Variants in EXOC2 observed in about 807,000 individuals in gnomAD.
The protein encoded by EXOC2 is SEC5-like 1.
EXOC2 carries 70 observed loss-of-function variants against 131.8 expected under a neutral mutation model. That is an observed-to-expected ratio of 0.53 (90% CI 0.44 to 0.65). EXOC2 has a LOEUF of 0.65. Ranked by LOEUF, EXOC2 falls within the 30% of genes least tolerant of loss-of-function variation. The pLI is 0.00. For synonymous variants in EXOC2, 411 were observed against 398.4 expected, an observed-to-expected ratio of 1.03 and a Z score of -0.38; for missense variants, 923 against 1,108.6, an observed-to-expected ratio of 0.83 and a Z score of 2.38.
chr6:551,469 A>C (rs564552016), intron 21 of EXOC2, among the ~76,000 whole-genome samples: 1 of 152,236 alleles, frequency 6.6e-6, no homozygotes, highest in African/African-American at 2.4e-5. Context: ...GCAGAGACAC[A>C]TGTGAGGTGC....
At chr6:504,093 G>A (rs560830895) in intron 23 of EXOC2, among the ~76,000 whole-genome samples, 145 of 152,370 alleles carry the variant, frequency 9.5e-4, no homozygotes, top group South Asian at 1.7e-3. Context: ...GGCCAACACC[G>A]TTGGCAAAAG....
chr6:617,854 A>G lies in EXOC2; in HGVS notation c.537-19T>C. 6.2e-7 allele frequency: 1 copy of G among 1,608,382 alleles called. No individual in the cohort carries two copies. Among genetic ancestry groups the G allele is most frequent in the Non-Finnish European group, 8.5e-7 (1 of 1,177,740 alleles). ...CTCAAAACTGAAATGAAATAAAGAA[A>G]CCAAAGTTTGACACTTCTAACATGC... On this transcript the variant is annotated intron_variant, in intron 5 of 27. Transcript: ENST00000230449.
At chr6:516,276 A>C (rs1765162049) in intron 23 of EXOC2, among the ~76,000 whole-genome samples, 1 of 152,192 alleles carries the variant, frequency 6.6e-6, no homozygotes, top group African/African-American at 2.4e-5. Flanking sequence ...CTGTGACCTA[A>C]GGCTCTGGTT....
In EXOC2 at chr6:604,786, G is replaced by A. The variant is rs560302609; in HGVS notation, c.742+5312C>T. On this transcript the variant is annotated intron_variant, in intron 7 of 27. Coordinates refer to ENST00000230449, the MANE Select transcript of EXOC2 (RefSeq NM_018303.6). ...GGCCTCTGCTTGTCTCTGAACTCAC[G>A]CGCTGGCCCCGCGGGGACACACCTG... Among the ~76,000 whole-genome samples the A allele has an allele frequency of 1.7e-4, 25 of 149,392 alleles. No individual in the cohort carries two copies. The South Asian group carries it at 4.5e-3, about 27-fold the overall frequency.
intron 1 of EXOC2, among the ~76,000 whole-genome samples, chr6:641,112 G>A (rs187352677): frequency 3.3e-5 from 5 of 152,286 alleles, no homozygotes; most frequent in Non-Finnish European, 7.4e-5. Flanking sequence ...AAAGGCGGAT[G>A]TGTGTTTGGG....
chr6:656,674 C>G lies in EXOC2; in HGVS notation c.-43-18813G>C. 6.2e-7 allele frequency: 1 copy of G among 1,606,686 alleles called. No homozygotes were observed. The highest frequency in any genetic ancestry group is 1.3e-5 in the African/African-American group (1 of 74,854). ...GAGGACGCGCCCGCTGCGCTTCTCG[C>G]CGCCCGGGACAGGTGCTCCGCCGTC... On this transcript the variant is annotated intron_variant, in intron 1 of 27. Transcript: ENST00000230449.
At chr6:542,628 G>A (rs1429482699) in intron 22 of EXOC2, among the ~76,000 whole-genome samples, 1 of 152,162 alleles carries the variant, frequency 6.6e-6, no homozygotes. Flanking sequence ...TAAGAAATTG[G>A]ACCAGTCATT....
Position 486,452 on chromosome 6 carries a change from G to T in EXOC2, c.*219C>A, listed in dbSNP as rs1763053760. On this transcript the variant is annotated 3_prime_UTR_variant, in exon 28 of 28. Coordinates refer to ENST00000230449, the MANE Select transcript of EXOC2 (RefSeq NM_018303.6). Reference sequence around the variant, plus strand: ...TAAAATGTATTTTAAAGTCATACAGGATCTGATCTAGTAAGAATGGCAAAA... The same window carrying T: ...TAAAATGTATTTTAAAGTCATACAGTATCTGATCTAGTAAGAATGGCAAAA... 1.0e-5 allele frequency: 5 copies of T among 487,880 alleles called. No homozygotes were observed. The South Asian group carries it at 1.1e-4, about 11-fold the overall frequency. The allele number at this position is 487,880 out of a possible 1,614,324, so 30.2% of individuals were successfully genotyped here.
rs1759980849 is a variant in EXOC2 at position 599,071 on chromosome 6, G to A, written c.888+9C>T. 6.2e-7 allele frequency: 1 copy of A among 1,604,914 alleles called. No individual in the cohort carries two copies. Among genetic ancestry groups the A allele is most frequent in the Non-Finnish European group, 8.5e-7 (1 of 1,174,692 alleles). The stretch of plus-strand genomic sequence containing the variant: ...CAACCATATGTAAATAAATAAACAT[G>A]TACTCTACCTTTTGAATATTCCTTT... On this transcript the variant is annotated intron_variant, in intron 8 of 27. Transcript: ENST00000230449.
intron 23 of EXOC2, among the ~76,000 whole-genome samples, chr6:517,956 C>G (rs1765246832): frequency 1.3e-5 from 2 of 152,192 alleles, no homozygotes; most frequent in Admixed American, 1.3e-4. Flanking sequence ...AACCACTTCA[C>G]TGAGCACCAA....
At chr6:686,465 T>C (rs1764659443) in intron 1 of EXOC2, among the ~76,000 whole-genome samples, 1 of 151,928 alleles carries the variant, frequency 6.6e-6, no homozygotes, top group African/African-American at 2.4e-5. Context: ...ATAAAGGCCT[T>C]CCCTCCCTCT....
chr6:599,195 T>A lies in EXOC2; in HGVS notation c.773A>T (p.Gln258Leu). The A allele has an allele frequency of 6.2e-7, 1 of 1,607,716 alleles. No homozygotes were observed. Among genetic ancestry groups the A allele is most frequent in the Non-Finnish European group, 8.5e-7 (1 of 1,176,022 alleles). Residue 258 changes from glutamine to leucine, a missense_variant, in exon 8 of 28, where the codon CAA becomes CTA. Coordinates refer to ENST00000230449, the MANE Select transcript of EXOC2 (RefSeq NM_018303.6). ...CTTGTCTTTCCGACCTAATACTTCTTGAAACAATGTGTCTGCAGTATTACT... is the reference window on the plus strand; with the variant it reads ...CTTGTCTTTCCGACCTAATACTTCTAGAAACAATGTGTCTGCAGTATTACT... ...RASNTADTLF[Q>L]EVLGRKDKAD...
chr6:671,364 C>CA (rs1203449091), intron 1 of EXOC2, among the ~76,000 whole-genome samples: 1 of 141,124 alleles, frequency 7.1e-6, no homozygotes, highest in African/African-American at 2.6e-5. Context: ...CAAAAAAAAA[C>CA]AAAAAAAGAA....
At chr6:678,621 A>C (rs929147320) in intron 1 of EXOC2, among the ~76,000 whole-genome samples, 6 of 152,228 alleles carry the variant, frequency 3.9e-5, no homozygotes, top group African/African-American at 1.2e-4. Flanking sequence ...AGAAAGATGA[A>C]AGCAGCAGGC....
At chr6:671,913 TA>T (rs973108938) in intron 1 of EXOC2, among the ~76,000 whole-genome samples, 1 of 151,790 alleles carries the variant, frequency 6.6e-6, no homozygotes, top group Non-Finnish European at 1.5e-5. Context: ...TTTTATTTTT[TA>T]TTTATTTATT....
At chr6:529,119 C>CA (rs1049739519) in intron 23 of EXOC2, among the ~76,000 whole-genome samples, 6 of 148,106 alleles carry the variant, frequency 4.1e-5, no homozygotes, top group South Asian at 2.5e-4. Context: ...GCCTTTTACC[C>CA]CCCCCCGCGC....
intron 2 of EXOC2, among the ~76,000 whole-genome samples, chr6:635,775 T>C (rs1211256420): frequency 6.6e-6 from 1 of 152,198 alleles, no homozygotes; most frequent in African/African-American, 2.4e-5. Context: ...AGAAAAGTAA[T>C]ACACAGGCCA....
chr6:531,604 C>A (rs187679850), intron 23 of EXOC2, among the ~76,000 whole-genome samples: 12 of 152,296 alleles, frequency 7.9e-5, no homozygotes, highest in African/African-American at 2.9e-4. Flanking sequence ...AAACAGTAAA[C>A]AATTTTATCA....
Position 594,677 on chromosome 6 carries a change from G to T in EXOC2, c.1074-2090C>A, listed in dbSNP as rs570792332. On this transcript the variant is annotated intron_variant, in intron 10 of 27. Transcript: ENST00000230449. ...GTCCTTGCAAAACCTAATAACAAAA[G>T]ACTTTTTCTATCATCTTATTAACGG... 4.0e-4 allele frequency among the ~76,000 whole-genome samples: 61 copies of T among 152,226 alleles called. 2 individuals are homozygous for T. In the South Asian group the frequency reaches 0.012, roughly 31 times the overall value.
Sources: gnomAD v4.1 joint callset for allele counts (sites outside exome capture counted in the v4.1 genomes callset) on GRCh38, gnomAD v4.1.1 for gene constraint, MANE v1.5 for transcripts, NCBI Gene and HGNC (gene_info 2026-07-23, HGNC 2026-07-21) for gene names.